GALNTL6: variants seen among roughly 807,000 people sequenced by gnomAD.
GALNTL6 encodes the protein polypeptide N-acetylgalactosaminyltransferase like 6.
A neutral mutation model predicts 73.7 loss-of-function variants in GALNTL6; 46 were observed. The observed-to-expected ratio is 0.62, with a 90% CI of 0.49 to 0.80. GALNTL6 has a LOEUF of 0.80. GALNTL6 is among the 30% of genes least tolerant of loss of function. The pLI is 0.00. For synonymous variants in GALNTL6, 259 were observed against 263.7 expected (o/e 0.98, Z 0.17); for missense variants, 604 against 755.0 (o/e 0.80, Z 2.34).
At chr4:171,820,340 C>T (rs1002255645) in intron 2 of GALNTL6, among the ~76,000 whole-genome samples, 2 of 152,108 alleles carry the variant, frequency 1.3e-5, no homozygotes, top group African/African-American at 4.8e-5. Context: ...ATCAATGTTT[C>T]CACCAAGGTT....
intron 3 of GALNTL6, among the ~76,000 whole-genome samples, chr4:172,293,962 GTC>G (rs1739567897): frequency 6.6e-6 from 1 of 151,076 alleles, no homozygotes; most frequent in Admixed American, 6.6e-5. Flanking sequence ...CCATTTCAGG[GTC>G]TCTGTTAATA....
intron 2 of GALNTL6, among the ~76,000 whole-genome samples, chr4:172,082,140 G>T (rs148632871): frequency 2.0e-5 from 3 of 152,000 alleles, no homozygotes; most frequent in Non-Finnish European, 4.4e-5. Context: ...GCCTCCCAAA[G>T]TACTGAGATT....
rs200748757 is a variant in GALNTL6, at chr4:172,320,261, G to A, written c.386+8509G>A. Reference sequence around the variant, plus strand: ...TGATTTCACGTGAGTGATGCAAGCAGAGAGGTTCTCAGGCTACTGGTCCCC... The same window carrying A: ...TGATTTCACGTGAGTGATGCAAGCAAAGAGGTTCTCAGGCTACTGGTCCCC... On this transcript the variant is annotated intron_variant, in intron 4 of 12. Transcript: ENST00000506823. 8.0e-4 allele frequency among the ~76,000 whole-genome samples: 122 copies of A among 152,188 alleles called. 2 individuals are homozygous for A. In the South Asian group the frequency reaches 0.016, roughly 19 times the overall value.
chr4:172,395,710 T>G (rs1411296140), intron 5 of GALNTL6, among the ~76,000 whole-genome samples: 1 of 152,254 alleles, frequency 6.6e-6, no homozygotes, highest in South Asian at 2.1e-4. Flanking sequence ...CCCAAGATAA[T>G]TATTGATACA....
chr4:172,871,305 C>A (rs2111163742), intron 7 of GALNTL6, among the ~76,000 whole-genome samples: 1 of 152,212 alleles, frequency 6.6e-6, no homozygotes, highest in East Asian at 1.9e-4. Flanking sequence ...ACAAGTTGAA[C>A]ATGTTCTTAT....
At chr4:171,997,992 G>A (rs1207599003) in intron 2 of GALNTL6, among the ~76,000 whole-genome samples, 1 of 152,124 alleles carries the variant, frequency 6.6e-6, no homozygotes, top group Non-Finnish European at 1.5e-5. Flanking sequence ...ATCATCCAGT[G>A]TTTTGGGAGG....
At chr4:172,542,481 C>T (rs1256540235) in intron 5 of GALNTL6, among the ~76,000 whole-genome samples, 1 of 152,118 alleles carries the variant, frequency 6.6e-6, no homozygotes, top group Non-Finnish European at 1.5e-5. Context: ...GACTCCTATA[C>T]CCTTACCATC....
At chr4:172,914,071 T>C (rs1747362997) in intron 8 of GALNTL6, among the ~76,000 whole-genome samples, 1 of 151,246 alleles carries the variant, frequency 6.6e-6, no homozygotes, top group Admixed American at 6.6e-5. Flanking sequence ...AGCCAGAAGG[T>C]TGGGGGGGTG....
chr4:172,206,969 C>G (rs1238122127), intron 2 of GALNTL6, among the ~76,000 whole-genome samples: 1 of 151,364 alleles, frequency 6.6e-6, no homozygotes, highest in Admixed American at 6.6e-5. Context: ...AGGCACCCAC[C>G]ACCACGCCCG....
intron 2 of GALNTL6, among the ~76,000 whole-genome samples, chr4:172,035,759 T>C (rs1278359871): frequency 1.3e-5 from 2 of 152,264 alleles, no homozygotes; most frequent in Admixed American, 6.5e-5. Context: ...AAATGCCAAA[T>C]GTGCCAGTGA....
At chr4:172,866,769 C>T (rs1744687998) in intron 7 of GALNTL6, among the ~76,000 whole-genome samples, 1 of 152,132 alleles carries the variant, frequency 6.6e-6, no homozygotes, top group Non-Finnish European at 1.5e-5. Flanking sequence ...CTGGCCAATT[C>T]CCTCTCACCC....
intron 2 of GALNTL6, among the ~76,000 whole-genome samples, chr4:171,988,948 G>A (rs1441174031): frequency 6.6e-6 from 1 of 152,014 alleles, no homozygotes; most frequent in Non-Finnish European, 1.5e-5. Flanking sequence ...ATGAGGTGTG[G>A]CTGTAGCCTA....
At chr4:172,410,311 C>T (rs1744384525) in intron 5 of GALNTL6, among the ~76,000 whole-genome samples, 1 of 151,956 alleles carries the variant, frequency 6.6e-6, no homozygotes. Context: ...ATATTAATTA[C>T]ATTCACATTG....
chr4:172,035,274 T>C (rs1351817691), intron 2 of GALNTL6, among the ~76,000 whole-genome samples: 1 of 152,034 alleles, frequency 6.6e-6, no homozygotes, highest in Non-Finnish European at 1.5e-5. Context: ...TCACTAAGCA[T>C]GAAGAAAAAT....
chr4:172,327,947 C>T (rs1017279261), intron 4 of GALNTL6, among the ~76,000 whole-genome samples: 2 of 152,052 alleles, frequency 1.3e-5, no homozygotes, highest in African/African-American at 4.8e-5. Flanking sequence ...ATTTATTATG[C>T]CAGCTTGTTT....
chr4:172,491,414 AGTT>A (rs1385587639), intron 5 of GALNTL6, among the ~76,000 whole-genome samples: 2 of 151,972 alleles, frequency 1.3e-5, no homozygotes, highest in Admixed American at 1.3e-4. Context: ...TTTGATGACT[AGTT>A]GTGGTTTCTT....
At chr4:172,563,805 T>A (rs1579193082) in intron 5 of GALNTL6, among the ~76,000 whole-genome samples, 1 of 152,334 alleles carries the variant, frequency 6.6e-6, no homozygotes, top group South Asian at 2.1e-4. Context: ...ATTGCAGATA[T>A]TTTTGGAAGA....
intron 5 of GALNTL6, among the ~76,000 whole-genome samples, chr4:172,435,929 G>A (rs995139601): frequency 1.3e-5 from 2 of 152,046 alleles, no homozygotes; most frequent in African/African-American, 4.8e-5. Context: ...TTTGGCTTGA[G>A]GATTATCCTT....
chr4:172,547,607 T>G (rs753966332), intron 5 of GALNTL6, among the ~76,000 whole-genome samples: 1 of 152,170 alleles, frequency 6.6e-6, no homozygotes, highest in African/African-American at 2.4e-5. Flanking sequence ...TTAGATCATT[T>G]TTTTTCCTCC....
Sources: allele counts gnomAD v4.1 joint callset (sites outside exome capture counted in the v4.1 genomes callset), GRCh38; gene constraint gnomAD v4.1.1; transcripts MANE v1.5; gene names NCBI Gene and HGNC (gene_info 2026-07-23, HGNC 2026-07-21).